The following DYNLT1 variants were observed in gnomAD, a reference collection of about 807,000 sequenced individuals.
DYNLT1 encodes dynein light chain Tctex-type 1, also known as T-complex testis-specific protein 1 homolog.
In DYNLT1, 18 loss-of-function variants were observed where a neutral mutation model predicts 19.6. That is an observed-to-expected ratio of 0.92 (90% CI 0.64 to 1.36). The LOEUF is 1.36. DYNLT1 is among the 40% of genes most tolerant of loss of function. The pLI is 0.00. For missense variants in DYNLT1, 137 were observed against 139.3 expected (o/e 0.98, Z 0.08); for synonymous variants, 56 against 44.0 (o/e 1.27, Z -1.07).
Position 158,636,904 on chromosome 6 carries a change from G to A in DYNLT1, c.272-7C>T. On this transcript the variant is annotated splice_region_variant and splice_polypyrimidine_tract_variant and intron_variant, in intron 4 of 4. Coordinates refer to ENST00000367089, the MANE Select transcript of DYNLT1 (RefSeq NM_006519.4). ...CATCGCACAGTGCAGCTCCCTGCGG[G>A]AGGGAAGAGAGCAGCATTTACGGCA... 2 of 1,613,372 alleles carry A rather than the reference G, an allele frequency of 1.2e-6. No individual in the cohort carries two copies. The highest frequency in any genetic ancestry group is 8.5e-7 in the Non-Finnish European group (1 of 1,179,626).
chr6:158,640,899 A>G (rs183567407), intron 2 of DYNLT1, among the ~76,000 whole-genome samples: 14 of 152,318 alleles, frequency 9.2e-5, no homozygotes, highest in Non-Finnish European at 1.6e-4. Flanking sequence ...ACAACACAAT[A>G]AAGTGTGAAA....
At chr6:158,637,466 CAA>C in intron 3 of DYNLT1, 1 of 614,006 alleles carries the variant, frequency 1.6e-6, no homozygotes, top group Non-Finnish European at 2.9e-6. Context: ...GTAAATCCAT[CAA>C]AGTTGAAAAA....
At chr6:158,637,472 T>C (rs1442369984) in intron 3 of DYNLT1, 1 of 614,028 alleles carries the variant, frequency 1.6e-6, no homozygotes, top group East Asian at 2.9e-5. Flanking sequence ...CCATCAAAGT[T>C]GAAAAATTCT....
chr6:158,636,500 A>G lies in DYNLT1; in HGVS notation c.*327T>C, dbSNP rs778004286. The G allele has an allele frequency of 1.8e-4, 50 of 280,618 alleles. 1 individual carries two copies. The highest frequency in any genetic ancestry group is 1.3e-3 in the South Asian group (30 of 22,746). 17.4% of individuals were successfully genotyped at this position (280,618 alleles called of 1,614,324 possible). A position where few individuals can be genotyped will look rare whatever the true frequency, so the allele number is the denominator to read the frequency against. ...TTAGATTTGAATAATTTATTCTAAC[A>G]AAAGTATAAAGTATGGAAAATTAGT... On this transcript the variant is annotated 3_prime_UTR_variant, in exon 5 of 5. Transcript: ENST00000367089.
intron 3 of DYNLT1, 58 bp from the exon 4 acceptor site, chr6:158,637,263 T>C: frequency 6.6e-7 from 1 of 1,514,158 alleles, no homozygotes; most frequent in Non-Finnish European, 9.1e-7. Flanking sequence ...AATGTCATTC[T>C]GTCCACTTTT....
At position 158,637,860 on chromosome 6, in the gene DYNLT1, T is replaced by C. The variant is rs776912098; in HGVS notation, c.104A>G (p.Gln35Arg). The C allele has an allele frequency of 1.2e-6, 2 of 1,607,384 alleles. No homozygotes were observed. The highest frequency in any genetic ancestry group is 1.7e-6 in the Non-Finnish European group (2 of 1,180,024). Residue 35 changes from glutamine to arginine, a missense_variant, in exon 3 of 5, where the codon CAA (glutamine) becomes CGA (arginine). Gln to Arg is a conservative substitution (Grantham distance 43). Transcript: ENST00000367089. ...GGTCCACTGGTTCACTTTGCTGTGT[T>C]GATAAGCGTTACCACCAATTGCGCT... ...IESAIGGNAY[Q>R]HSKVNQWTTN...
intron 2 of DYNLT1, among the ~76,000 whole-genome samples, chr6:158,638,189 TATTC>T (rs1183318338): frequency 6.6e-6 from 1 of 152,210 alleles, no homozygotes; most frequent in Non-Finnish European, 1.5e-5. Context: ...GTATTTTGCC[TATTC>T]ATTTCTTAAA....
chr6:158,638,025 AAT>A, intron 2 of DYNLT1, 131 bp from the exon 3 acceptor site: 1 of 1,387,072 alleles, frequency 7.2e-7, no homozygotes, highest in Non-Finnish European at 9.7e-7. Context: ...TGCCTTTGCA[AAT>A]ATACTTTTAA....
chr6:158,636,528 A>G lies in DYNLT1; in HGVS notation c.*299T>C, dbSNP rs1175196350. ...AGTATAAAGTATGGAAAATTAGTGT[A>G]TTTGAATCATTTCAGAGAGTAGAGC... On this transcript the variant is annotated 3_prime_UTR_variant, in exon 5 of 5. Transcript: ENST00000367089. 3.0e-6 allele frequency: 1 copy of G among 336,132 alleles called. No homozygotes were observed. Among genetic ancestry groups the G allele is most frequent in the Non-Finnish European group, 5.6e-6 (1 of 177,486 alleles). The allele number at this position is 336,132 out of a possible 1,614,324, so 20.8% of individuals were successfully genotyped here. A position where few individuals can be genotyped will look rare whatever the true frequency, so the allele number is the denominator to read the frequency against.
chr6:158,639,887 G>C (rs1367762402), intron 2 of DYNLT1, among the ~76,000 whole-genome samples: 1 of 152,140 alleles, frequency 6.6e-6, no homozygotes, highest in Non-Finnish European at 1.5e-5. Context: ...CACCATGTTG[G>C]ACAGGATGGT....
Position 158,636,740 on chromosome 6 carries a change from ATG to A in DYNLT1, c.*85_*86del, listed in dbSNP as rs1198595955. ...GTGAAAGTGCCACAAAACAAAGAGA[ATG>A]AGAAAAGAGTTCACTGAATTCATGG... is the stretch of plus-strand genomic sequence containing the variant. On this transcript the variant is annotated 3_prime_UTR_variant, in exon 5 of 5. Coordinates refer to ENST00000367089, the MANE Select transcript of DYNLT1 (RefSeq NM_006519.4). 2 of 1,420,150 alleles carry A rather than the reference ATG, an allele frequency of 1.4e-6. No individual in the cohort carries two copies. Among genetic ancestry groups the A allele is most frequent in the African/African-American group, 2.9e-5 (2 of 69,860 alleles). 88.0% of individuals were successfully genotyped at this position (1,420,150 alleles called of 1,614,324 possible).
At chr6:158,637,023 T>C in intron 4 of DYNLT1, 105 bp downstream of exon 4, 1 of 1,541,996 alleles carries the variant, frequency 6.5e-7, no homozygotes, top group Non-Finnish European at 8.9e-7. Flanking sequence ...AGTCTATTAT[T>C]AAATGTTTTA....
intron 2 of DYNLT1, among the ~76,000 whole-genome samples, chr6:158,638,415 TATG>T (rs1198007048): frequency 1.3e-5 from 2 of 152,236 alleles, no homozygotes; most frequent in Non-Finnish European, 1.5e-5. Context: ...ATTTTAGGTT[TATG>T]ATGAGATTTT....
chr6:158,640,146 G>GA (rs1255249275), intron 2 of DYNLT1, among the ~76,000 whole-genome samples: 1 of 152,122 alleles, frequency 6.6e-6, no homozygotes, highest in East Asian at 1.9e-4. Context: ...TGTTCCACGT[G>GA]AAACTGTGTA....
intron 1 of DYNLT1, 146 bp from the exon 2 acceptor site, chr6:158,641,506 G>T: frequency 1.8e-6 from 1 of 542,776 alleles, no homozygotes; most frequent in Non-Finnish European, 3.1e-6. Context: ...TACCAAGGAT[G>T]GCATTACAGT....
intron 2 of DYNLT1, among the ~76,000 whole-genome samples, chr6:158,641,036 T>C (rs1787124375): frequency 6.6e-6 from 1 of 152,254 alleles, no homozygotes; most frequent in Non-Finnish European, 1.5e-5. Context: ...AGACATTTAT[T>C]TGTATACCAG....
chr6:158,638,209 A>G (rs1787062751), intron 2 of DYNLT1, among the ~76,000 whole-genome samples: 1 of 152,114 alleles, frequency 6.6e-6, no homozygotes, highest in Admixed American at 6.5e-5. Flanking sequence ...TTAAAAGTAT[A>G]TTACTTTTAT....
intron 3 of DYNLT1, 153 bp from the exon 4 acceptor site, chr6:158,637,358 G>A (rs1007809309): frequency 2.7e-5 from 18 of 676,036 alleles, no homozygotes; most frequent in Non-Finnish European, 4.3e-5. Flanking sequence ...TCACTATATT[G>A]ACAAATTATA....
At chr6:158,644,601 G>A (rs956075408) in intron 1 of DYNLT1, 81 bp downstream of exon 1, 11 of 1,560,386 alleles carry the variant, frequency 7.0e-6, no homozygotes, top group African/African-American at 2.7e-5. Context: ...TGGGCAGCCA[G>A]GCCTTTCCGG....
Sources: allele counts gnomAD v4.1 joint callset (sites outside exome capture counted in the v4.1 genomes callset), GRCh38; gene constraint gnomAD v4.1.1; transcripts MANE v1.5; gene names NCBI Gene and HGNC (gene_info 2026-07-23, HGNC 2026-07-21).